The following CASK variants were observed in gnomAD, a reference collection of about 807,000 sequenced individuals.
CASK encodes calcium/calmodulin dependent serine protein kinase, also known as peripheral plasma membrane protein CASK.
Under a neutral mutation model 82.9 loss-of-function variants are expected in CASK, and 4 were observed. That is an observed-to-expected ratio of 0.05 (90% CI 0.02 to 0.11). CASK has a LOEUF of 0.11. Among genes scored for constraint, CASK ranks in the 10% least tolerant of loss-of-function variants. The probability of loss-of-function intolerance (pLI) is 1.00; values close to 1 mark genes in which losing one functional copy is unlikely to be tolerated. For synonymous variants in CASK, 259 were observed against 253.5 expected (o/e 1.02, Z -0.20); for missense variants, 358 against 720.9 (o/e 0.50, Z 5.76).
Position 41,648,171 on chromosome X carries a change from G to A in CASK, c.832-11510C>T, listed in dbSNP as rs374641517. Reference sequence around the variant, plus strand: ...GGAGTAAGTCTTTGAACTGGCCCCCGCCCACCCCGAGGCGTACCTGTCTCT... The same window carrying A: ...GGAGTAAGTCTTTGAACTGGCCCCCACCCACCCCGAGGCGTACCTGTCTCT... On this transcript the variant is annotated intron_variant, in intron 8 of 26. Transcript: ENST00000378163. Among the ~76,000 whole-genome samples, 6 of 110,766 alleles carry A rather than the reference G, an allele frequency of 5.4e-5. No individual in the cohort carries two copies. The East Asian group carries it at 8.6e-4, about 16-fold the overall frequency.
At chrX:41,544,712 A>AC (rs2064997722) in intron 21 of CASK, among the ~76,000 whole-genome samples, 1 of 103,933 alleles carries the variant, frequency 9.6e-6, no homozygotes, top group Non-Finnish European at 2.0e-5. Context: ...TACAAAAAAA[A>AC]ACAAAAAACA....
At chrX:41,892,149 C>T (rs1339552847) in intron 1 of CASK, among the ~76,000 whole-genome samples, 3 of 110,094 alleles carry the variant, frequency 2.7e-5, no homozygotes, top group African/African-American at 9.9e-5. Flanking sequence ...GCTGTGATTG[C>T]ACCACTGCAC....
At chrX:41,821,214 A>G (rs2070533544) in intron 2 of CASK, among the ~76,000 whole-genome samples, 1 of 112,278 alleles carries the variant, frequency 8.9e-6, no homozygotes, top group Non-Finnish European at 1.9e-5. Flanking sequence ...GAATATACAA[A>G]GAACTCCTAC....
At chrX:41,653,484 C>T (rs1432765304) in intron 8 of CASK, among the ~76,000 whole-genome samples, 2 of 111,991 alleles carry the variant, frequency 1.8e-5, no homozygotes, top group African/African-American at 3.2e-5. Context: ...TCTGTAATAG[C>T]TGAACAGAAA....
chrX:41,881,983 C>T (rs976853432), intron 1 of CASK, among the ~76,000 whole-genome samples: 1 of 110,814 alleles, frequency 9.0e-6, no homozygotes, highest in Non-Finnish European at 1.9e-5. Flanking sequence ...ATCCATAAAG[C>T]GAAGATAACA....
At chrX:41,798,506 TAGAC>T (rs2069914172) in intron 2 of CASK, among the ~76,000 whole-genome samples, 1 of 112,717 alleles carries the variant, frequency 8.9e-6, no homozygotes, top group Non-Finnish European at 1.9e-5. Flanking sequence ...TATATATGAA[TAGAC>T]AGAGAGCAGT....
chrX:41,641,742 T>C (rs1446538439), intron 8 of CASK, among the ~76,000 whole-genome samples: 2 of 111,592 alleles, frequency 1.8e-5, no homozygotes, highest in African/African-American at 3.3e-5. Context: ...ATTTTTTTCA[T>C]GTTATAGTTT....
chrX:41,905,083 T>C (rs935200060), intron 1 of CASK, among the ~76,000 whole-genome samples: 1 of 112,310 alleles, frequency 8.9e-6, no homozygotes, highest in African/African-American at 3.2e-5. Flanking sequence ...ATTTATTTTA[T>C]AGTTGAATGA....
rs947856074 is a variant in CASK, at chrX:41,576,136, G to A, written c.1503+2204C>T. On this transcript the variant is annotated intron_variant, in intron 15 of 26. Coordinates refer to ENST00000378163, the MANE Select transcript of CASK (RefSeq NM_001367721.1). Reference sequence around the variant, plus strand: ...ATTACAGGCACCCACCACCACACCTGGCTAATTTTTGTATTTTTAGTAGAG... The same window carrying A: ...ATTACAGGCACCCACCACCACACCTAGCTAATTTTTGTATTTTTAGTAGAG... 7.3e-5 allele frequency among the ~76,000 whole-genome samples: 8 copies of A among 109,409 alleles called. No individual in the cohort carries two copies. The East Asian group carries it at 2.3e-3, about 31-fold the overall frequency.
intron 10 of CASK, among the ~76,000 whole-genome samples, chrX:41,623,178 T>C (rs2066313139): frequency 9.0e-6 from 1 of 110,764 alleles, no homozygotes; most frequent in African/African-American, 3.3e-5. Flanking sequence ...ACAGGAGTGA[T>C]CCACCGTGCC....
chrX:41,611,372 T>C (rs1207063426), intron 11 of CASK, among the ~76,000 whole-genome samples: 1 of 111,002 alleles, frequency 9.0e-6, no homozygotes, highest in African/African-American at 3.3e-5. Context: ...AAAATGTTCA[T>C]GCACTTCGAT....
At position 41,675,926 on chromosome X, in the gene CASK, G is replaced by A. The variant is rs983420334; in HGVS notation, c.430-4396C>T. 5 of 1,205,235 alleles carry A rather than the reference G, an allele frequency of 4.1e-6. No homozygotes were observed. The African/African-American group carries it at 5.2e-5, about 13-fold the overall frequency. On this transcript the variant is annotated intron_variant, in intron 5 of 26. Transcript: ENST00000378163. ...TTCATCAAAAGCTGTCTTTGCAAGA[G>A]AGCAGGCTTTCTCTGGGGAGTTCAG...
At chrX:41,711,572 A>G (rs761368696) in intron 5 of CASK, among the ~76,000 whole-genome samples, 11 of 110,772 alleles carry the variant, frequency 9.9e-5, no homozygotes, top group African/African-American at 3.6e-4. Flanking sequence ...GCCTACCTAC[A>G]TGTCCCGGGT....
intron 1 of CASK, among the ~76,000 whole-genome samples, chrX:41,894,149 T>G (rs1022985232): frequency 9.0e-6 from 1 of 111,036 alleles, no homozygotes; most frequent in Non-Finnish European, 1.9e-5. Context: ...TAAAGAAGTT[T>G]TTTAAAGTAT....
intron 1 of CASK, among the ~76,000 whole-genome samples, chrX:41,912,198 T>C (rs1227916948): frequency 1.8e-5 from 2 of 110,039 alleles, no homozygotes; most frequent in Non-Finnish European, 3.8e-5. Flanking sequence ...ATGAGAGCAA[T>C]GACATTTTTA....
At chrX:41,568,321 A>C (rs1398994781) in intron 16 of CASK, among the ~76,000 whole-genome samples, 2 of 111,221 alleles carry the variant, frequency 1.8e-5, no homozygotes, top group Admixed American at 1.9e-4. Context: ...AAAAATAGCA[A>C]ACAAAAAACA....
intron 9 of CASK, among the ~76,000 whole-genome samples, chrX:41,632,979 G>GCAGGATAATCACTTGAAC (rs2066494528): frequency 9.5e-6 from 1 of 105,028 alleles, no homozygotes; most frequent in Non-Finnish European, 2.0e-5. Context: ...GGAGGCGGAG[G>GCAGGATAATCACTTGAAC]CTGCAGTGAG....
intron 20 of CASK, among the ~76,000 whole-genome samples, chrX:41,554,663 G>A (rs1375978210): frequency 1.8e-5 from 2 of 111,457 alleles, no homozygotes; most frequent in Non-Finnish European, 3.8e-5. Flanking sequence ...AAATAGATTA[G>A]CATTCAAGGG....
At chrX:41,556,724 T>C (rs1426056068) in intron 19 of CASK, among the ~76,000 whole-genome samples, 1 of 112,609 alleles carries the variant, frequency 8.9e-6, no homozygotes, top group Non-Finnish European at 1.9e-5. Flanking sequence ...TTTAAACAAA[T>C]TTCCGTTTAC....
Sources: gnomAD v4.1 joint callset for allele counts (sites outside exome capture counted in the v4.1 genomes callset) on GRCh38, gnomAD v4.1.1 for gene constraint, MANE v1.5 for transcripts, NCBI Gene and HGNC (gene_info 2026-07-23, HGNC 2026-07-21) for gene names.